Variants in LRRC49 observed in about 807,000 individuals in gnomAD.
The protein encoded by LRRC49 is leucine-rich repeat-containing protein 49.
LRRC49 carries 50 observed loss-of-function variants against 83.3 expected under a neutral mutation model. The observed-to-expected ratio is 0.60, with a 90% CI of 0.48 to 0.76. The LOEUF is 0.76. Ranked by LOEUF, LRRC49 falls within the 30% of genes least tolerant of loss-of-function variation. The pLI, the probability that LRRC49 is intolerant of heterozygous loss-of-function variation, is 0.00. For missense variants in LRRC49, 704 were observed against 809.1 expected (o/e 0.87, Z 1.58); for synonymous variants, 286 against 283.3 (o/e 1.01, Z -0.10).
chr15:70,991,539 G>C (rs2037878696), intron 11 of LRRC49, among the ~76,000 whole-genome samples: 1 of 152,100 alleles, frequency 6.6e-6, no homozygotes, highest in South Asian at 2.1e-4. Flanking sequence ...GCATGGATTT[G>C]GTATAGTACT....
chr15:70,939,307 G>A (rs2035717243), intron 8 of LRRC49, among the ~76,000 whole-genome samples: 1 of 152,134 alleles, frequency 6.6e-6, no homozygotes, highest in African/African-American at 2.4e-5. Context: ...GGTATCACTA[G>A]TTGTATTGAA....
intron 9 of LRRC49, among the ~76,000 whole-genome samples, chr15:70,974,505 A>C (rs904800051): frequency 6.6e-6 from 1 of 152,206 alleles, no homozygotes; most frequent in Admixed American, 6.5e-5. Flanking sequence ...AATGTCTAGG[A>C]GAAAATATTT....
chr15:70,906,900 G>A lies in LRRC49; in HGVS notation c.500+2145G>A, dbSNP rs183380194. Among the ~76,000 whole-genome samples the A allele has an allele frequency of 1.0e-3, 157 of 152,244 alleles. 1 individual carries two copies. The highest frequency in any genetic ancestry group is 1.7e-3 in the Non-Finnish European group (114 of 68,024). ...TTTTTCACATAAAGGAATAGCTGTG[G>A]AACAGTTCTAGAACTATTAGTGTTC... On this transcript the variant is annotated intron_variant, in intron 5 of 15. Coordinates refer to ENST00000260382, the MANE Select transcript of LRRC49 (RefSeq NM_017691.5).
chr15:70,940,176 C>G (rs575418152), intron 8 of LRRC49, among the ~76,000 whole-genome samples: 1 of 151,754 alleles, frequency 6.6e-6, no homozygotes. Flanking sequence ...CCTTAAACTG[C>G]CCTGCAGTTG....
chr15:70,985,619 A>AGCG (rs1464671147), intron 11 of LRRC49, among the ~76,000 whole-genome samples: 7 of 152,206 alleles, frequency 4.6e-5, no homozygotes, highest in African/African-American at 1.4e-4. Context: ...GCTGTGCAGA[A>AGCG]GCTCTTGAGT....
intron 3 of LRRC49, among the ~76,000 whole-genome samples, chr15:70,896,286 T>C (rs2141100999): frequency 6.6e-6 from 1 of 152,196 alleles, no homozygotes; most frequent in South Asian, 2.1e-4. Context: ...GAATGTAAAG[T>C]CAGGAGTAGA....
At chr15:70,867,118 G>A (rs1462677397) in intron 1 of LRRC49, among the ~76,000 whole-genome samples, 1 of 151,476 alleles carries the variant, frequency 6.6e-6, no homozygotes, top group Non-Finnish European at 1.5e-5. Flanking sequence ...CTCAATGCCT[G>A]CTCTCTCATT....
At chr15:70,893,697 T>C (rs1166254092) in intron 2 of LRRC49, 57 bp downstream of exon 2, 1 of 1,296,296 alleles carries the variant, frequency 7.7e-7, no homozygotes, top group Non-Finnish European at 1.1e-6. Flanking sequence ...TCTACACAAA[T>C]AGCAGCATGA....
intron 8 of LRRC49, among the ~76,000 whole-genome samples, chr15:70,942,783 G>A (rs2035866936): frequency 5.3e-5 from 8 of 152,106 alleles, no homozygotes; most frequent in Admixed American, 5.2e-4. Context: ...CATTGGTTTG[G>A]TCCAGAAAGG....
In LRRC49 at chr15:70,983,894, A is replaced by G. The variant is rs544039108; in HGVS notation, c.1006-200A>G. Among the ~76,000 whole-genome samples the G allele has an allele frequency of 9.0e-4, 136 of 150,922 alleles. 1 individual carries two copies. The highest frequency in any genetic ancestry group is 3.3e-3 in the African/African-American group (132 of 40,296). ...TTGCATTTTTTTCCTTTAGAGTTAGATAATTATTGAGATTTTTGGATGCAG... is the reference window on the plus strand; with the variant it reads ...TTGCATTTTTTTCCTTTAGAGTTAGGTAATTATTGAGATTTTTGGATGCAG... On this transcript the variant is annotated intron_variant, in intron 10 of 15. Transcript: ENST00000260382.
intron 9 of LRRC49, 124 bp from the exon 10 acceptor site, chr15:70,979,977 G>T (rs936407667): frequency 7.2e-6 from 4 of 552,810 alleles, no homozygotes; most frequent in African/African-American, 1.9e-5. Flanking sequence ...TTCTTTGAGA[G>T]TATATTTTCT....
chr15:70,974,928 C>T (rs974909191), intron 9 of LRRC49, among the ~76,000 whole-genome samples: 13 of 152,128 alleles, frequency 8.5e-5, no homozygotes, highest in African/African-American at 3.1e-4. Flanking sequence ...TCAAGCAAAA[C>T]AATTCTTAGC....
Position 70,911,512 on chromosome 15 carries a change from C to T in LRRC49, c.501-20C>T, listed in dbSNP as rs571474388. Reference sequence around the variant, plus strand: ...GATGTGATACATCCGTATTTCTATTCTACTTATTCTGGTTTTCAGAATCAA... The same window carrying T: ...GATGTGATACATCCGTATTTCTATTTTACTTATTCTGGTTTTCAGAATCAA... On this transcript the variant is annotated intron_variant, in intron 5 of 15. Coordinates refer to ENST00000260382, the MANE Select transcript of LRRC49 (RefSeq NM_017691.5). 9 of 1,391,012 alleles carry T rather than the reference C, an allele frequency of 6.5e-6. No individual in the cohort carries two copies. The South Asian group carries it at 8.7e-5, about 13-fold the overall frequency. 86.2% of individuals were successfully genotyped at this position (1,391,012 alleles called of 1,614,324 possible). A position where few individuals can be genotyped will look rare whatever the true frequency, so the allele number is the denominator to read the frequency against.
intron 8 of LRRC49, 89 bp from the exon 9 acceptor site, chr15:70,963,696 T>A: frequency 7.0e-7 from 1 of 1,438,552 alleles, no homozygotes; most frequent in South Asian, 1.4e-5. Flanking sequence ...TCTGTAAATC[T>A]AAAACTGTGC....
rs145873988 is a variant in LRRC49 at position 71,010,640 on chromosome 15, A to C, written c.1593+648A>C. On this transcript the variant is annotated intron_variant, in intron 13 of 15. Transcript: ENST00000260382. Reference sequence around the variant, plus strand: ...ATTGGGTAACTCAGGTCTGGAGCTGAATAGCTGGAAAATTATTAGTGAAAA... The same window carrying C: ...ATTGGGTAACTCAGGTCTGGAGCTGCATAGCTGGAAAATTATTAGTGAAAA... Among the ~76,000 whole-genome samples, 12 of 152,170 alleles carry C rather than the reference A, an allele frequency of 7.9e-5. No individual in the cohort carries two copies. The East Asian group carries it at 2.3e-3, about 29-fold the overall frequency.
At chr15:70,880,345 C>T (rs1352921800) in intron 2 of LRRC49, among the ~76,000 whole-genome samples, 5 of 152,174 alleles carry the variant, frequency 3.3e-5, no homozygotes, top group African/African-American at 4.8e-5. Flanking sequence ...CTGCCTCCCC[C>T]ACCAAAAGGT....
At chr15:70,893,552 G>A (rs767295038) in intron 1 of LRRC49, 32 bp from the exon 2 acceptor site, 2 of 1,465,166 alleles carry the variant, frequency 1.4e-6, no homozygotes, top group East Asian at 2.3e-5. Flanking sequence ...TGTATTAAGA[G>A]CAAATTTTAT....
chr15:70,853,907 TC>T, intron 1 of LRRC49: 2 of 1,358,368 alleles, frequency 1.5e-6, no homozygotes, highest in South Asian at 1.8e-5. Context: ...GCGGCTCGGC[TC>T]CTCCTCGCTC....
intron 8 of LRRC49, among the ~76,000 whole-genome samples, chr15:70,961,793 C>A (rs928767817): frequency 2.6e-5 from 4 of 152,130 alleles, no homozygotes; most frequent in Non-Finnish European, 5.9e-5. Context: ...TTTCTAGTGT[C>A]ATGAAACGGT....
Sources: allele counts gnomAD v4.1 joint callset (sites outside exome capture counted in the v4.1 genomes callset), GRCh38; gene constraint gnomAD v4.1.1; transcripts MANE v1.5; gene names NCBI Gene and HGNC (gene_info 2026-07-23, HGNC 2026-07-21).